Variants in CLASP1 observed in about 807,000 individuals in gnomAD.
CLASP1 encodes the protein cytoplasmic linker associated protein 1.
In CLASP1, 38 loss-of-function variants were observed where a neutral mutation model predicts 192.3. The observed-to-expected ratio is 0.20, with a 90% confidence interval of 0.15 to 0.26. The LOEUF (loss-of-function observed/expected upper bound fraction) is 0.26. Among genes scored for constraint, CLASP1 ranks in the 10% least tolerant of loss-of-function variants. The pLI, the probability that CLASP1 is intolerant of heterozygous loss-of-function variation, is 1.00. For missense variants in CLASP1, 1,433 were observed against 1,932.5 expected (o/e 0.74, Z 4.85); for synonymous variants, 691 against 712.8 (o/e 0.97, Z 0.49).
intron 28 of CLASP1, among the ~76,000 whole-genome samples, chr2:121,399,702 C>A (rs116605883): frequency 1.3e-5 from 2 of 152,214 alleles, no homozygotes; most frequent in Non-Finnish European, 2.9e-5. Context: ...GATTAGGACT[C>A]TTAAAGGGGC....
chr2:121,623,799 C>T (rs2106139908), intron 1 of CLASP1, among the ~76,000 whole-genome samples: 1 of 152,242 alleles, frequency 6.6e-6, no homozygotes. Context: ...AGTGAGCCAA[C>T]ATCACATCAC....
rs549611171 is a variant in CLASP1, at chr2:121,518,593, C to T, written c.547-2831G>A. ...TTTTTACATTGAAAATGCGGTCGGG[C>T]GCGGTGGCTCATGCCTGTAATCCCA... On this transcript the variant is annotated intron_variant, in intron 6 of 39. Coordinates refer to ENST00000263710, the Ensembl canonical transcript of CLASP1. 1.6e-3 allele frequency among the ~76,000 whole-genome samples: 249 copies of T among 152,164 alleles called. 2 individuals are homozygous for T. The highest frequency in any genetic ancestry group is 5.6e-3 in the African/African-American group (233 of 41,506).
intron 2 of CLASP1, among the ~76,000 whole-genome samples, chr2:121,590,797 C>T (rs2062298253): frequency 6.6e-6 from 1 of 151,766 alleles, no homozygotes; most frequent in Non-Finnish European, 1.5e-5. Flanking sequence ...GGATTCTCAA[C>T]CAAAGTAAGA....
In CLASP1 at chr2:121,427,698, A is replaced by G. The variant is rs934860912; in HGVS notation, c.2018-268T>C. On this transcript the variant is annotated intron_variant, in intron 20 of 39. Transcript: ENST00000263710. ...TCACATCTGCTTTCTAGCTTTAAGC[A>G]ACCTGAGGGAAGTGATTGTAACTTA... Among the ~76,000 whole-genome samples, 4 of 152,238 alleles carry G rather than the reference A, an allele frequency of 2.6e-5. No individual in the cohort carries two copies. In the South Asian group the frequency reaches 8.3e-4, roughly 31 times the overall value.
chr2:121,635,217 AAAAAGAAAAGAAAAG>A (rs200721929), intron 1 of CLASP1, among the ~76,000 whole-genome samples: 2 of 150,430 alleles, frequency 1.3e-5, no homozygotes, highest in East Asian at 1.9e-4. Flanking sequence ...TGTAAAAAAA[AAAAAGAAAAGAAAAG>A]AAAAGAAAAG....
At chr2:121,602,293 A>T (rs2063888878) in intron 2 of CLASP1, among the ~76,000 whole-genome samples, 1 of 152,166 alleles carries the variant, frequency 6.6e-6, no homozygotes, top group Non-Finnish European at 1.5e-5. Flanking sequence ...GAAAACTACA[A>T]AACACTGATA....
chr2:121,559,135 C>T (rs992455481), intron 2 of CLASP1, among the ~76,000 whole-genome samples: 1 of 152,180 alleles, frequency 6.6e-6, no homozygotes. Context: ...TGGCTCATGA[C>T]AAACCCAGCA....
At chr2:121,589,644 A>C (rs1471382895) in intron 2 of CLASP1, among the ~76,000 whole-genome samples, 1 of 152,082 alleles carries the variant, frequency 6.6e-6, no homozygotes, top group Admixed American at 6.6e-5. Context: ...AAAAAAAAAA[A>C]AAAACACACT....
At chr2:121,489,788 G>A (rs1465617084) in intron 8 of CLASP1, among the ~76,000 whole-genome samples, 1 of 151,976 alleles carries the variant, frequency 6.6e-6, no homozygotes, top group African/African-American at 2.4e-5. Flanking sequence ...CTTTTAAAGG[G>A]GAAAAAAATA....
At chr2:121,404,201 C>T in intron 26 of CLASP1, 170 bp downstream of exon 27, 1 of 865,438 alleles carries the variant, frequency 1.2e-6, no homozygotes, top group Non-Finnish European at 1.4e-6. Flanking sequence ...TTTAAGTTTC[C>T]AAGAATTCTG....
At chr2:121,415,441 T>A (rs2078412851) in intron 23 of CLASP1, among the ~76,000 whole-genome samples, 1 of 152,208 alleles carries the variant, frequency 6.6e-6, no homozygotes, top group South Asian at 2.1e-4. Flanking sequence ...CAATCTGACA[T>A]TATAGTACCA....
At chr2:121,420,008 T>TA (rs1401520560) in intron 22 of CLASP1, among the ~76,000 whole-genome samples, 1 of 151,884 alleles carries the variant, frequency 6.6e-6, no homozygotes, top group Non-Finnish European at 1.5e-5. Flanking sequence ...ACTCCCTGAT[T>TA]AAAAAAAGAA....
chr2:121,509,393 T>C (rs983266796), intron 7 of CLASP1, among the ~76,000 whole-genome samples: 1 of 152,162 alleles, frequency 6.6e-6, no homozygotes, highest in Non-Finnish European at 1.5e-5. Flanking sequence ...AGGCTGGTCT[T>C]GCACTCCTGG....
At chr2:121,437,245 G>C (rs1465829683) in intron 19 of CLASP1, among the ~76,000 whole-genome samples, 1 of 152,130 alleles carries the variant, frequency 6.6e-6, no homozygotes, top group Non-Finnish European at 1.5e-5. Flanking sequence ...TTACAGGTGT[G>C]AGCCACTGTG....
chr2:121,346,579 G>C (rs561864326), intron 39 of CLASP1, among the ~76,000 whole-genome samples: 1 of 152,348 alleles, frequency 6.6e-6, no homozygotes, highest in South Asian at 2.1e-4. Flanking sequence ...TGCCCACAGG[G>C]ATGTTGCCGT....
chr2:121,520,567 A>G (rs2094434875), intron 6 of CLASP1, among the ~76,000 whole-genome samples: 1 of 152,250 alleles, frequency 6.6e-6, no homozygotes, highest in Non-Finnish European at 1.5e-5. Flanking sequence ...AGCAATGGTC[A>G]TATGTTTCAA....
intron 7 of CLASP1, among the ~76,000 whole-genome samples, chr2:121,509,514 G>T (rs2094048652): frequency 6.6e-6 from 1 of 152,064 alleles, no homozygotes; most frequent in Non-Finnish European, 1.5e-5. Context: ...TTATCCAGGA[G>T]TCCACATGCC....
At chr2:121,533,676 A>AT (rs1230414743) in intron 2 of CLASP1, among the ~76,000 whole-genome samples, 2 of 152,094 alleles carry the variant, frequency 1.3e-5, no homozygotes, top group Non-Finnish European at 2.9e-5. Flanking sequence ...ATTTGTTGTA[A>AT]TTTTTTTCTT....
intron 9 of CLASP1, among the ~76,000 whole-genome samples, chr2:121,467,809 C>T (rs2149946275): frequency 6.6e-6 from 1 of 152,242 alleles, no homozygotes; most frequent in East Asian, 1.9e-4. Flanking sequence ...GTCCATTTGT[C>T]AATTTTTGCT....
Sources: gnomAD v4.1 joint callset for allele counts (sites outside exome capture counted in the v4.1 genomes callset) on GRCh38, gnomAD v4.1.1 for gene constraint, MANE v1.5 for transcripts, NCBI Gene and HGNC (gene_info 2026-07-23, HGNC 2026-07-21) for gene names.